The following MAP7 variants were observed in gnomAD, a reference collection of about 807,000 sequenced individuals.
The protein encoded by MAP7 is microtubule associated protein 7, also known as ensconsin.
MAP7 carries 52 observed loss-of-function variants against 94.8 expected under a neutral mutation model. That is an observed-to-expected ratio of 0.55 (90% CI 0.44 to 0.69). The LOEUF (loss-of-function observed/expected upper bound fraction) is 0.69. Ranked by LOEUF, MAP7 falls within the 30% of genes least tolerant of loss-of-function variation. The probability of loss-of-function intolerance (pLI) is 0.00; values close to 1 mark genes in which losing one functional copy is unlikely to be tolerated. For synonymous variants in MAP7, 350 were observed against 357.0 expected (o/e 0.98, Z 0.22); for missense variants, 940 against 964.6 (o/e 0.97, Z 0.34).
At chr6:136,444,007 C>T (rs575429704) in intron 1 of MAP7, among the ~76,000 whole-genome samples, 3 of 152,170 alleles carry the variant, frequency 2.0e-5, no homozygotes, top group East Asian at 1.9e-4. Flanking sequence ...CTGCACCTTA[C>T]GATGGTTTGA....
At chr6:136,425,352 CA>C (rs1247809294) in intron 1 of MAP7, among the ~76,000 whole-genome samples, 1 of 152,180 alleles carries the variant, frequency 6.6e-6, no homozygotes, top group Non-Finnish European at 1.5e-5. Flanking sequence ...TGTGGGCATA[CA>C]GCCCCTTTGT....
chr6:136,507,019 G>A (rs988922859), intron 1 of MAP7, among the ~76,000 whole-genome samples: 1 of 152,032 alleles, frequency 6.6e-6, no homozygotes, highest in Non-Finnish European at 1.5e-5. Flanking sequence ...TTCTGACCAC[G>A]AGGCACCCCG....
chr6:136,469,807 A>C (rs1808378413), intron 1 of MAP7, among the ~76,000 whole-genome samples: 1 of 152,250 alleles, frequency 6.6e-6, no homozygotes, highest in South Asian at 2.1e-4. Flanking sequence ...AGGGGAAATA[A>C]AAATTTGTTC....
chr6:136,464,815 A>G (rs1481660057), intron 1 of MAP7, among the ~76,000 whole-genome samples: 2 of 152,234 alleles, frequency 1.3e-5, no homozygotes, highest in African/African-American at 4.8e-5. Context: ...GCACTGTTCT[A>G]CGTGCTTGGG....
chr6:136,503,053 C>T (rs1356759043), intron 1 of MAP7, among the ~76,000 whole-genome samples: 1 of 152,168 alleles, frequency 6.6e-6, no homozygotes, highest in Non-Finnish European at 1.5e-5. Context: ...TAATGCCTTG[C>T]ATGTGTAGAG....
intron 1 of MAP7, among the ~76,000 whole-genome samples, chr6:136,497,566 G>GAAGGTGGGCAGATCACGAGGT: frequency 6.6e-6 from 1 of 151,068 alleles, no homozygotes; most frequent in East Asian, 1.9e-4. Context: ...TTGGGAGGCT[G>GAAGGTGGGCAGATCACGAGGT]AAGGTGGGCA....
At chr6:136,487,989 T>C (rs981022309) in intron 1 of MAP7, among the ~76,000 whole-genome samples, 1 of 152,348 alleles carries the variant, frequency 6.6e-6, no homozygotes, top group East Asian at 1.9e-4. Context: ...GACAGTATTA[T>C]TGCGAAAGGG....
intron 1 of MAP7, among the ~76,000 whole-genome samples, chr6:136,514,723 G>A (rs906123348): frequency 5.9e-5 from 9 of 152,112 alleles, no homozygotes; most frequent in Non-Finnish European, 1.3e-4. Flanking sequence ...TCAATAGCGG[G>A]CTTAAAATAG....
intron 1 of MAP7, among the ~76,000 whole-genome samples, chr6:136,434,660 G>A (rs1261405633): frequency 6.7e-6 from 1 of 148,920 alleles, no homozygotes; most frequent in Admixed American, 6.7e-5. Flanking sequence ...CCCCAAATAA[G>A]GGATCTCAAA....
At chr6:136,410,914 G>A (rs1451091176) in intron 3 of MAP7, among the ~76,000 whole-genome samples, 2 of 152,168 alleles carry the variant, frequency 1.3e-5, no homozygotes, top group African/African-American at 4.8e-5. Flanking sequence ...ATGCTGACCA[G>A]GCATTTAATC....
At chr6:136,515,917 T>C (rs1276291690) in intron 1 of MAP7, among the ~76,000 whole-genome samples, 2 of 152,136 alleles carry the variant, frequency 1.3e-5, no homozygotes, top group African/African-American at 4.8e-5. Flanking sequence ...ACCTTCAATT[T>C]GTAAAAAAAA....
At chr6:136,533,068 T>C (rs779699284) in intron 1 of MAP7, among the ~76,000 whole-genome samples, 2 of 152,116 alleles carry the variant, frequency 1.3e-5, no homozygotes, top group South Asian at 2.1e-4. Context: ...AGGTCGGGAG[T>C]TCGGGACCAG....
chr6:136,505,036 A>G (rs1820957336), intron 1 of MAP7, among the ~76,000 whole-genome samples: 1 of 152,118 alleles, frequency 6.6e-6, no homozygotes, highest in African/African-American at 2.4e-5. Flanking sequence ...AGTATTTATT[A>G]TGTTGGCCCT....
At chr6:136,382,381 A>T (rs910394451) in intron 6 of MAP7, among the ~76,000 whole-genome samples, 3 of 152,226 alleles carry the variant, frequency 2.0e-5, no homozygotes, top group African/African-American at 7.2e-5. Context: ...AAAGTATGAA[A>T]CTAAAGTGCT....
intron 1 of MAP7, among the ~76,000 whole-genome samples, chr6:136,460,459 T>C (rs1562426676): frequency 6.6e-6 from 1 of 152,202 alleles, no homozygotes; most frequent in Non-Finnish European, 1.5e-5. Flanking sequence ...AAGCACTGTT[T>C]ATAAAAAGAT....
chr6:136,396,258 A>C (rs979289898), intron 3 of MAP7, among the ~76,000 whole-genome samples: 11 of 151,968 alleles, frequency 7.2e-5, no homozygotes, highest in African/African-American at 2.4e-4. Context: ...TTTTCCTTGT[A>C]GCAAACTTTT....
At chr6:136,519,233 T>C (rs1398101385) in intron 1 of MAP7, among the ~76,000 whole-genome samples, 1 of 152,144 alleles carries the variant, frequency 6.6e-6, no homozygotes, top group Non-Finnish European at 1.5e-5. Flanking sequence ...CTTCAGCAAA[T>C]AAAAGTTTAT....
intron 5 of MAP7, among the ~76,000 whole-genome samples, chr6:136,384,061 AG>A (rs1325756479): frequency 6.6e-6 from 1 of 152,240 alleles, no homozygotes; most frequent in Non-Finnish European, 1.5e-5. Flanking sequence ...AGGCCAGTGA[AG>A]GGCTTCTAAA....
intron 9 of MAP7, 28 bp downstream of exon 9, chr6:136,366,299 C>T (rs1351135861): frequency 1.3e-6 from 2 of 1,560,074 alleles, no homozygotes; most frequent in Admixed American, 1.7e-5. Context: ...CATGAAACAA[C>T]CCAGCCAGCC....
Sources: gnomAD v4.1 joint callset for allele counts (sites outside exome capture counted in the v4.1 genomes callset) on GRCh38, gnomAD v4.1.1 for gene constraint, MANE v1.5 for transcripts, NCBI Gene and HGNC (gene_info 2026-07-23, HGNC 2026-07-21) for gene names.